Variants in PHF14 observed in about 807,000 individuals in gnomAD.
PHF14 encodes PHD finger protein 14.
In PHF14, 55 loss-of-function variants were observed where a neutral mutation model predicts 117.9. That is an observed-to-expected ratio of 0.47 (90% confidence interval 0.38 to 0.58). PHF14 has a LOEUF of 0.58. Ranked by LOEUF, PHF14 falls within the 20% of genes least tolerant of loss-of-function variation. PHF14 has a pLI of 0.00. For synonymous variants in PHF14, 409 were observed against 368.6 expected (o/e 1.11, Z -1.26); for missense variants, 978 against 1,122.2 (o/e 0.87, Z 1.84).
rs139913603 is a variant in PHF14, at chr7:11,043,786, C to T, written c.2312+972C>T. On this transcript the variant is annotated intron_variant, in intron 13 of 17. Coordinates refer to ENST00000634607, the MANE Select transcript of PHF14 (RefSeq NM_001007157.2). ...TTATGTGCTTCAGAAACTGCTATAG[C>T]ATATTCAAATCCCAACAATGTTAAT... Among the ~76,000 whole-genome samples, 46 of 152,174 alleles carry T rather than the reference C, an allele frequency of 3.0e-4. 2 individuals are homozygous for T. The highest frequency in any genetic ancestry group is 1.1e-3 in the African/African-American group (45 of 41,538).
At position 11,127,218 on chromosome 7, in the gene PHF14, A is replaced by G. The variant is rs145768969; in HGVS notation, c.2772+15751A>G. 2.0e-3 allele frequency among the ~76,000 whole-genome samples: 299 copies of G among 149,566 alleles called. 1 individual carries two copies. Among genetic ancestry groups the G allele is most frequent in the African/African-American group, 7.2e-3 (293 of 40,602 alleles). On this transcript the variant is annotated intron_variant, in intron 17 of 17. Transcript: ENST00000634607. Reference sequence around the variant, plus strand: ...GAAACCTGTAGTTTGGAAGTGGGGCATTCTAGATTTTGATTCTTGCCCCTC... The same window carrying G: ...GAAACCTGTAGTTTGGAAGTGGGGCGTTCTAGATTTTGATTCTTGCCCCTC...
chr7:11,025,561 A>G (rs1745567015), intron 6 of PHF14, among the ~76,000 whole-genome samples: 1 of 152,132 alleles, frequency 6.6e-6, no homozygotes. Flanking sequence ...TGGGAGGCCG[A>G]GGTGGGTGGA....
intron 8 of PHF14, 104 bp downstream of exon 8, chr7:11,035,890 T>C (rs1205519887): frequency 2.3e-6 from 2 of 872,882 alleles, no homozygotes; most frequent in Non-Finnish European, 3.5e-6. Flanking sequence ...ATAGGAAGTT[T>C]GGTTAGTTAC....
chr7:11,031,797 C>G (rs918034193), intron 7 of PHF14, among the ~76,000 whole-genome samples: 3 of 152,032 alleles, frequency 2.0e-5, no homozygotes, highest in Non-Finnish European at 4.4e-5. Flanking sequence ...AGCTATTGTG[C>G]AGGCTCAGTT....
At chr7:11,054,116 CT>C (rs549363007) in intron 14 of PHF14, among the ~76,000 whole-genome samples, 2 of 150,644 alleles carry the variant, frequency 1.3e-5, no homozygotes, top group African/African-American at 2.4e-5. Context: ...TTTTAAGACA[CT>C]TTTTTTTTGG....
Position 11,130,839 on chromosome 7 carries a change from C to T in PHF14, c.2772+19372C>T, listed in dbSNP as rs1788075045. 6.6e-6 allele frequency among the ~76,000 whole-genome samples: 1 copy of T among 152,002 alleles called. No homozygotes were observed. Among genetic ancestry groups the T allele is most frequent in the African/African-American group, 2.4e-5 (1 of 41,424 alleles). On this transcript the variant is annotated intron_variant, in intron 17 of 17. Coordinates refer to ENST00000634607, the MANE Select transcript of PHF14 (RefSeq NM_001007157.2). This position sits in a 1 kb window ranked among gnomAD's most constrained non-coding sequence, Gnocchi z 4.2. ...GCTCTGCCTATTCACCACTCCCTCT[C>T]TACCATCAAACCACTGGCAACCACA...
chr7:11,053,283 G>T (rs1472288073), intron 14 of PHF14, among the ~76,000 whole-genome samples: 2 of 151,858 alleles, frequency 1.3e-5, no homozygotes, highest in Non-Finnish European at 2.9e-5. Flanking sequence ...TGTGTTATGG[G>T]GTCATATAAA....
Position 11,150,962 on chromosome 7 carries a change from C to G in PHF14, c.2773-18454C>G, listed in dbSNP as rs553977388. On this transcript the variant is annotated intron_variant, in intron 17 of 17. Transcript: ENST00000634607. ...CAAACATTCAAGTACAGTTTATTTT[C>G]TACTTTAAAAGAAAAGTAAAAGAAC... Among the ~76,000 whole-genome samples the G allele has an allele frequency of 9.2e-5, 14 of 152,144 alleles. No individual in the cohort carries two copies. In the South Asian group the frequency reaches 2.9e-3, roughly 32 times the overall value.
At chr7:11,133,546 A>G (rs1015740571) in intron 17 of PHF14, among the ~76,000 whole-genome samples, 7 of 151,990 alleles carry the variant, frequency 4.6e-5, no homozygotes, top group Non-Finnish European at 1.0e-4. Context: ...TCATGAGTTT[A>G]TAGCCACTGA....
chr7:11,110,696 A>G (rs1369743530), intron 16 of PHF14: 1 of 162,756 alleles, frequency 6.1e-6, no homozygotes, highest in Non-Finnish European at 1.3e-5. Context: ...AAACTAAATT[A>G]TTGGGGTAGT....
At position 11,128,431 on chromosome 7, in the gene PHF14, A is replaced by G. The variant is rs534020534; in HGVS notation, c.2772+16964A>G. ...TGTCTCAGAAAATAAAAGTGCCACT[A>G]CCTCCTCTGTTCTTTATTCCAAACA... On this transcript the variant is annotated intron_variant, in intron 17 of 17. Transcript: ENST00000634607. 7.7e-4 allele frequency among the ~76,000 whole-genome samples: 117 copies of G among 151,846 alleles called. 6 individuals are homozygous for G. In the South Asian group the frequency reaches 0.024, roughly 31 times the overall value.
chr7:10,995,575 C>T (rs1483239590), intron 4 of PHF14, among the ~76,000 whole-genome samples: 3 of 152,154 alleles, frequency 2.0e-5, no homozygotes, highest in Non-Finnish European at 2.9e-5. Context: ...CTTGGGTGGT[C>T]GATGGGACCG....
chr7:11,102,570 T>G, intron 16 of PHF14: 2 of 1,606,134 alleles, frequency 1.2e-6, no homozygotes, highest in Non-Finnish European at 1.7e-6. Context: ...ATTTTAAAAA[T>G]GTGGATTAAA....
chr7:11,019,153 T>A (rs1783636756), intron 5 of PHF14, among the ~76,000 whole-genome samples: 1 of 152,196 alleles, frequency 6.6e-6, no homozygotes, highest in Non-Finnish European at 1.5e-5. Context: ...TTGTTGAGGA[T>A]CTTTGCGTCA....
At chr7:11,023,889 G>A (rs1011649407) in intron 6 of PHF14, among the ~76,000 whole-genome samples, 1 of 152,192 alleles carries the variant, frequency 6.6e-6, no homozygotes, top group African/African-American at 2.4e-5. Context: ...AAGTGTTCAA[G>A]TGAAAGGAAG....
At chr7:11,028,508 C>G (rs117668771) in intron 6 of PHF14, among the ~76,000 whole-genome samples, 173 bp from the exon 7 acceptor site, 1 of 152,002 alleles carries the variant, frequency 6.6e-6, no homozygotes, top group Non-Finnish European at 1.5e-5. Context: ...TAGGTAATTA[C>G]GTTTTTTCAT....
At chr7:11,104,218 T>C (rs1787181975) in intron 16 of PHF14, 1 of 984,058 alleles carries the variant, frequency 1.0e-6, no homozygotes, top group Non-Finnish European at 1.2e-6. Flanking sequence ...TCATTTTCCA[T>C]CTTGCATTTT....
At chr7:11,054,198 A>AC (rs531057915) in intron 14 of PHF14, among the ~76,000 whole-genome samples, 268 of 152,092 alleles carry the variant, frequency 1.8e-3, no homozygotes, top group Middle Eastern at 0.014. Flanking sequence ...TTGCATTAGG[A>AC]CCATCTTGGG....
At chr7:11,089,089 T>A (rs11543619) in intron 16 of PHF14, among the ~76,000 whole-genome samples, 1 of 150,310 alleles carries the variant, frequency 6.7e-6, no homozygotes, top group East Asian at 1.9e-4. Context: ...AAAGATTAAT[T>A]AGATATAAAA....
Sources: allele counts gnomAD v4.1 joint callset (sites outside exome capture counted in the v4.1 genomes callset), GRCh38; gene constraint gnomAD v4.1.1; non-coding constraint Gnocchi (gnomAD v3.1); transcripts MANE v1.5; gene names NCBI Gene and HGNC (gene_info 2026-07-23, HGNC 2026-07-21).